The following WWOX variants were observed in gnomAD, a reference collection of about 807,000 sequenced individuals.
WWOX encodes WW domain-containing oxidoreductase.
A neutral mutation model predicts 46.2 loss-of-function variants in WWOX; 69 were observed. The observed-to-expected ratio is 1.49, with a 90% CI of 1.23 to 1.82. The LOEUF (loss-of-function observed/expected upper bound fraction) is 1.82. Ranked by LOEUF, WWOX falls within the 40% of genes most tolerant of loss-of-function variation. The pLI is 0.00. For missense variants in WWOX, 919 were observed against 542.6 expected, an observed-to-expected ratio of 1.69 and a Z score of -6.89; for synonymous variants, 359 against 202.6, an observed-to-expected ratio of 1.77 and a Z score of -6.56.
chr16:78,962,911 T>C (rs1178369681), intron 8 of WWOX, among the ~76,000 whole-genome samples: 1 of 152,224 alleles, frequency 6.6e-6, no homozygotes, highest in African/African-American at 2.4e-5. Context: ...CTTTGCTGTC[T>C]TGCTTCTTTT....
At chr16:78,612,198 G>A (rs755334050) in intron 8 of WWOX, among the ~76,000 whole-genome samples, 1 of 152,206 alleles carries the variant, frequency 6.6e-6, no homozygotes. Flanking sequence ...TCCCAAGAGT[G>A]ATTCTAACAA....
chr16:79,018,239 T>C (rs1399485770), intron 8 of WWOX, among the ~76,000 whole-genome samples: 3 of 152,206 alleles, frequency 2.0e-5, no homozygotes. Context: ...AGAGTATTTG[T>C]TCTAGTATGT....
At chr16:78,915,096 G>C (rs1427737667) in intron 8 of WWOX, among the ~76,000 whole-genome samples, 1 of 152,110 alleles carries the variant, frequency 6.6e-6, no homozygotes, top group Non-Finnish European at 1.5e-5. Flanking sequence ...CTCTTGGCTG[G>C]TTAAATGGAG....
At chr16:78,192,508 A>AAG (rs1555551665) in intron 5 of WWOX, among the ~76,000 whole-genome samples, 12 of 151,810 alleles carry the variant, frequency 7.9e-5, no homozygotes, top group African/African-American at 2.2e-4. Context: ...AAAAAAAAAA[A>AAG]AAAGAAAGAA....
At chr16:78,890,194 A>C (rs1415460522) in intron 8 of WWOX, 1 of 152,248 alleles carries the variant, frequency 6.6e-6, no homozygotes, top group African/African-American at 2.4e-5. Flanking sequence ...TAGATTTTGT[A>C]AATGAGGCAC....
At chr16:78,910,347 C>G (rs1354274120) in intron 8 of WWOX, among the ~76,000 whole-genome samples, 2 of 151,956 alleles carry the variant, frequency 1.3e-5, no homozygotes, top group Admixed American at 1.3e-4. Context: ...AACAAGGGCC[C>G]TGACAGCCTT....
intron 5 of WWOX, among the ~76,000 whole-genome samples, chr16:78,354,837 A>G (rs1168475273): frequency 6.6e-6 from 1 of 152,146 alleles, no homozygotes; most frequent in Non-Finnish European, 1.5e-5. Flanking sequence ...ATATATCATC[A>G]AAAACAGAGA....
intron 8 of WWOX, among the ~76,000 whole-genome samples, chr16:79,069,115 G>A (rs1468121538): frequency 6.6e-6 from 1 of 152,158 alleles, no homozygotes; most frequent in Non-Finnish European, 1.5e-5. Flanking sequence ...CTCCCCACGT[G>A]TGACATCTCA....
At chr16:78,705,964 G>A (rs1284058918) in intron 8 of WWOX, among the ~76,000 whole-genome samples, 3 of 151,720 alleles carry the variant, frequency 2.0e-5, no homozygotes, top group Non-Finnish European at 2.9e-5. Context: ...TGGTTTAGAT[G>A]CTGTGCGTAC....
intron 8 of WWOX, among the ~76,000 whole-genome samples, chr16:78,594,401 G>C (rs925027010): frequency 7.5e-6 from 1 of 133,856 alleles, no homozygotes; most frequent in Admixed American, 8.5e-5. Flanking sequence ...TGTGTTACCT[G>C]AGTCTTGACG....
At chr16:78,131,814 G>A (rs2033605026) in intron 4 of WWOX, among the ~76,000 whole-genome samples, 1 of 151,480 alleles carries the variant, frequency 6.6e-6, no homozygotes, top group African/African-American at 2.4e-5. Flanking sequence ...TTGAACTCCT[G>A]ACCTCGTGAT....
intron 8 of WWOX, among the ~76,000 whole-genome samples, chr16:78,513,347 A>T (rs891580678): frequency 6.6e-6 from 1 of 152,238 alleles, no homozygotes; most frequent in Non-Finnish European, 1.5e-5. Flanking sequence ...TTGATAAAAG[A>T]TGTAATTATT....
chr16:78,503,090 C>T (rs191449236), intron 8 of WWOX, among the ~76,000 whole-genome samples: 1 of 152,290 alleles, frequency 6.6e-6, no homozygotes, highest in Admixed American at 6.5e-5. Context: ...ATGTTGCTGA[C>T]TGTTTTTGAG....
At chr16:78,212,877 C>T (rs900064964) in intron 5 of WWOX, among the ~76,000 whole-genome samples, 3 of 152,080 alleles carry the variant, frequency 2.0e-5, no homozygotes, top group Admixed American at 6.5e-5. Flanking sequence ...CAAACACGCC[C>T]GGATCTCAGT....
At chr16:78,438,313 C>G (rs934916511) in intron 8 of WWOX, among the ~76,000 whole-genome samples, 34 of 152,172 alleles carry the variant, frequency 2.2e-4, no homozygotes, top group African/African-American at 8.2e-4. Context: ...TGTAAACTTT[C>G]ACTTGCTAAT....
At chr16:78,170,208 A>T (rs2035110430) in intron 5 of WWOX, among the ~76,000 whole-genome samples, 1 of 152,162 alleles carries the variant, frequency 6.6e-6, no homozygotes, top group South Asian at 2.1e-4. Context: ...CGGCTATAAA[A>T]CATGCTGTAT....
At chr16:79,064,207 C>A (rs1246175871) in intron 8 of WWOX, among the ~76,000 whole-genome samples, 1 of 152,138 alleles carries the variant, frequency 6.6e-6, no homozygotes, top group South Asian at 2.1e-4. Flanking sequence ...GAGTGGGGTC[C>A]TTTCACTGAC....
At chr16:78,435,364 C>T (rs2083311310) in intron 8 of WWOX, among the ~76,000 whole-genome samples, 1 of 152,204 alleles carries the variant, frequency 6.6e-6, no homozygotes, top group Admixed American at 6.5e-5. Context: ...TCTCCTATTT[C>T]CCTGGCAGGA....
In WWOX at chr16:78,864,540, A is replaced by C. The variant is rs145619772; in HGVS notation, c.1057-347068A>C. Among the ~76,000 whole-genome samples, 615 of 152,140 alleles carry C rather than the reference A, an allele frequency of 4.0e-3. 3 individuals carry two copies. Among genetic ancestry groups the C allele is most frequent in the African/African-American group, 0.014 (586 of 41,504 alleles). On this transcript the variant is annotated intron_variant, in intron 8 of 8. Coordinates refer to ENST00000566780, the MANE Select transcript of WWOX (RefSeq NM_016373.4). ...TGCCTTGGCCTCCCAAAATGCTGGG[A>C]TTATAGGCATGAGCCACTGCACCCA...
Sources: gnomAD v4.1 joint callset for allele counts (sites outside exome capture counted in the v4.1 genomes callset) on GRCh38, gnomAD v4.1.1 for gene constraint, MANE v1.5 for transcripts, NCBI Gene and HGNC (gene_info 2026-07-23, HGNC 2026-07-21) for gene names.